Variants in TSPAN19 observed in about 807,000 individuals in gnomAD.
TSPAN19 encodes tetraspanin 19, also known as tetraspanin-19.
Under a neutral mutation model 35.1 loss-of-function variants are expected in TSPAN19, and 44 were observed. The observed-to-expected ratio is 1.25, with a 90% confidence interval of 0.98 to 1.61. The LOEUF is 1.61. Ranked by LOEUF, TSPAN19 falls within the 40% of genes most tolerant of loss-of-function variation. The probability of loss-of-function intolerance (pLI) is 0.00; values close to 1 mark genes in which losing one functional copy is unlikely to be tolerated. For synonymous variants in TSPAN19, 79 were observed against 92.0 expected (o/e 0.86, Z 0.81); for missense variants, 290 against 280.0 (o/e 1.04, Z -0.26).
chr12:85,018,868 T>A (rs983110132), intron 6 of TSPAN19, among the ~76,000 whole-genome samples: 3 of 151,862 alleles, frequency 2.0e-5, no homozygotes, highest in African/African-American at 7.2e-5. Flanking sequence ...GAGGACTGAA[T>A]TAGCTAATAT....
At position 85,023,846 on chromosome 12, in the gene TSPAN19, C is replaced by T. The variant is rs560520753; in HGVS notation, c.265-446G>A. Among the ~76,000 whole-genome samples the T allele has an allele frequency of 1.3e-4, 20 of 152,226 alleles. 2 individuals carry two copies. Among genetic ancestry groups the T allele is most frequent in the African/African-American group, 4.8e-4 (20 of 41,544 alleles). On this transcript the variant is annotated intron_variant, in intron 4 of 8. Transcript: ENST00000532498. ...ACTTAATTCTTTACGTATACTTGGG[C>T]TATTTCCTGAAAACTGAAAATACTT... is the stretch of plus-strand genomic sequence containing the variant.
At chr12:85,024,815 A>T (rs527694893) in intron 4 of TSPAN19, 1 of 152,010 alleles carries the variant, frequency 6.6e-6, no homozygotes, top group East Asian at 1.9e-4. Flanking sequence ...TAATAATTTT[A>T]AAAGTAAGCG....
intron 1 of TSPAN19, among the ~76,000 whole-genome samples, chr12:85,032,737 G>A (rs1433386348): frequency 6.6e-6 from 1 of 151,850 alleles, no homozygotes; most frequent in Non-Finnish European, 1.5e-5. Flanking sequence ...TACACAGTAA[G>A]TTAAGTGTAG....
At chr12:85,032,646 T>C (rs1356647843) in intron 1 of TSPAN19, among the ~76,000 whole-genome samples, 2 of 152,160 alleles carry the variant, frequency 1.3e-5, no homozygotes, top group Non-Finnish European at 2.9e-5. Flanking sequence ...AAATGAGATG[T>C]TCATGTGTTG....
chr12:85,026,008 A>T (rs1877392471), intron 4 of TSPAN19, among the ~76,000 whole-genome samples: 2 of 152,216 alleles, frequency 1.3e-5, no homozygotes, highest in African/African-American at 4.8e-5. Flanking sequence ...GAATGGTAGT[A>T]TCTTGGTTCC....
At chr12:85,017,413 C>G (rs762153966) in intron 7 of TSPAN19, 43 bp downstream of exon 7, 2 of 1,541,250 alleles carry the variant, frequency 1.3e-6, no homozygotes, top group African/African-American at 2.8e-5. Context: ...AATAAACAAA[C>G]AAAATACTAT....
At position 85,032,391 on chromosome 12, in the gene TSPAN19, G is replaced by C. The variant is rs75709254; in HGVS notation, c.-27-2418C>G. 3.3e-5 allele frequency among the ~76,000 whole-genome samples: 5 copies of C among 152,192 alleles called. No individual in the cohort carries two copies. In the South Asian group the frequency reaches 1.0e-3, roughly 32 times the overall value. ...TTTACAGACTGAGAAGACAATCAAGGCATGATCTCATGGAAACCAATAGAG... is the reference window on the plus strand; with the variant it reads ...TTTACAGACTGAGAAGACAATCAAGCCATGATCTCATGGAAACCAATAGAG... On this transcript the variant is annotated intron_variant, in intron 1 of 8. Coordinates refer to ENST00000532498, the MANE Select transcript of TSPAN19 (RefSeq NM_001100917.2).
intron 3 of TSPAN19, among the ~76,000 whole-genome samples, chr12:85,028,283 T>A (rs1877519349): frequency 6.6e-6 from 1 of 152,170 alleles, no homozygotes; most frequent in African/African-American, 2.4e-5. Context: ...ACCCTTATCC[T>A]CCTTGTCTTC....
chr12:85,022,868 C>A (rs1219224573), intron 5 of TSPAN19, among the ~76,000 whole-genome samples: 1 of 152,100 alleles, frequency 6.6e-6, no homozygotes, highest in Non-Finnish European at 1.5e-5. Context: ...ATTAATCACT[C>A]ATCACTCTAC....
chr12:85,023,909 G>T (rs1052981592), intron 4 of TSPAN19, among the ~76,000 whole-genome samples: 2 of 151,804 alleles, frequency 1.3e-5, no homozygotes, highest in Admixed American at 1.3e-4. Context: ...ACATTTATTA[G>T]ACTATTTAAT....
At chr12:85,035,610 A>G (rs1167513057) in intron 1 of TSPAN19, among the ~76,000 whole-genome samples, 1 of 152,068 alleles carries the variant, frequency 6.6e-6, no homozygotes, top group Non-Finnish European at 1.5e-5. Flanking sequence ...ACCTTTTACA[A>G]TTATGGCTAC....
chr12:85,024,870 G>C, intron 4 of TSPAN19: 1 of 151,414 alleles, frequency 6.6e-6, no homozygotes, highest in Non-Finnish European at 1.5e-5. Context: ...ATGATTTACT[G>C]TATTATTTAT....
intron 4 of TSPAN19, among the ~76,000 whole-genome samples, chr12:85,025,979 T>C (rs1231761467): frequency 6.6e-6 from 1 of 152,198 alleles, no homozygotes; most frequent in Non-Finnish European, 1.5e-5. Flanking sequence ...GCAATACCCT[T>C]CCATGGAATG....
intron 4 of TSPAN19, among the ~76,000 whole-genome samples, chr12:85,025,533 G>A (rs1322059254): frequency 3.3e-5 from 5 of 150,634 alleles, no homozygotes; most frequent in South Asian, 2.1e-4. Context: ...TTTTGTTGGG[G>A]GGGAGGTGGG....
chr12:85,028,571 A>G (rs1877533463), intron 3 of TSPAN19, among the ~76,000 whole-genome samples: 2 of 152,210 alleles, frequency 1.3e-5, no homozygotes, highest in African/African-American at 4.8e-5. Flanking sequence ...AGAACAATAA[A>G]TGCTCAACAA....
In TSPAN19 at chr12:85,019,787, A is replaced by C. The variant is rs559022489; in HGVS notation, c.340-51T>G. 3 of 1,013,674 alleles carry C rather than the reference A, an allele frequency of 3.0e-6. No homozygotes were observed. The East Asian group carries it at 7.4e-5, about 25-fold the overall frequency. The allele number at this position is 1,013,674 out of a possible 1,614,324, so 62.8% of individuals were successfully genotyped here. A position where few individuals can be genotyped will look rare whatever the true frequency, so the allele number is the denominator to read the frequency against. The stretch of plus-strand genomic sequence containing the variant: ...AAATTTCATAGGAATGTATCCATAA[A>C]AATTTCATAGAAATTGATGGTTCCT... On this transcript the variant is annotated intron_variant, in intron 5 of 8. Transcript: ENST00000532498.
In TSPAN19 at chr12:85,020,545, T is replaced by C. The variant is rs7966963; in HGVS notation, c.340-809A>G. On this transcript the variant is annotated intron_variant, in intron 5 of 8. Coordinates refer to ENST00000532498, the MANE Select transcript of TSPAN19 (RefSeq NM_001100917.2). ...TGTGAGTATTTTAAGCTCAAGGAAA[T>C]TGAGAAAACTGCAGAAGCAGGAAGG... is the stretch of plus-strand genomic sequence containing the variant. 8.9e-3 allele frequency among the ~76,000 whole-genome samples: 1,358 copies of C among 152,072 alleles called. 19 individuals carry two copies. The highest frequency in any genetic ancestry group is 0.032 in the African/African-American group (1,311 of 41,512).
Position 85,029,862 on chromosome 12 carries a change from T to A in TSPAN19, c.66+19A>T. 1.3e-6 allele frequency: 2 copies of A among 1,506,394 alleles called. No individual in the cohort carries two copies. Among genetic ancestry groups the A allele is most frequent in the South Asian group, 1.3e-5 (1 of 79,456 alleles). The allele number at this position is 1,506,394 out of a possible 1,614,324, so 93.3% of individuals were successfully genotyped here. Reference sequence around the variant, plus strand: ...AATAGATTACATTTTCTTTACTGTATAATTATGAAGATTCTTACCAAGAAA... The same window carrying A: ...AATAGATTACATTTTCTTTACTGTAAAATTATGAAGATTCTTACCAAGAAA... On this transcript the variant is annotated intron_variant, in intron 2 of 8. Transcript: ENST00000532498.
chr12:85,030,004 T>C, intron 1 of TSPAN19, 31 bp from the exon 2 acceptor site: 1 of 1,336,046 alleles, frequency 7.5e-7, no homozygotes, highest in Non-Finnish European at 1.0e-6. Flanking sequence ...TTTTAAACAT[T>C]CTACACAACA....
Sources: gnomAD v4.1 joint callset for allele counts (sites outside exome capture counted in the v4.1 genomes callset) on GRCh38, gnomAD v4.1.1 for gene constraint, MANE v1.5 for transcripts, NCBI Gene and HGNC (gene_info 2026-07-23, HGNC 2026-07-21) for gene names.